HLTF: variants seen among roughly 807,000 people sequenced by gnomAD.
The protein encoded by HLTF is helicase like transcription factor, also known as DNA-dependent ATPase/E3 ubiquitin-protein ligase HLTF.
HLTF carries 127 observed loss-of-function variants against 129.4 expected under a neutral mutation model. That is an observed-to-expected ratio of 0.98 (90% CI 0.85 to 1.14). HLTF has a LOEUF of 1.14. HLTF is among the 50% of genes most tolerant of loss of function. The pLI is 0.00. For missense variants in HLTF, 1,139 were observed against 1,187.1 expected, an observed-to-expected ratio of 0.96 and a Z score of 0.60; for synonymous variants, 332 against 388.8, an observed-to-expected ratio of 0.85 and a Z score of 1.72.
At chr3:149,038,220 T>A (rs180812038) in intron 23 of HLTF, among the ~76,000 whole-genome samples, 2 of 152,338 alleles carry the variant, frequency 1.3e-5, no homozygotes, top group Admixed American at 1.3e-4. Flanking sequence ...AGAACCGTGA[T>A]GGTAATCATT....
At chr3:149,034,171 T>G (rs1331908532) in intron 24 of HLTF, among the ~76,000 whole-genome samples, 1 of 152,182 alleles carries the variant, frequency 6.6e-6, no homozygotes, top group African/African-American at 2.4e-5. Flanking sequence ...TTAACAATTT[T>G]CATATAAATC....
intron 2 of HLTF, among the ~76,000 whole-genome samples, chr3:149,079,759 A>AT (rs1477606487): frequency 3.3e-5 from 5 of 151,792 alleles, no homozygotes; most frequent in African/African-American, 1.2e-4. Context: ...TGCCCAGCTA[A>AT]TTTTTGTATT....
At chr3:149,071,997 G>A (rs1301222194) in intron 5 of HLTF, among the ~76,000 whole-genome samples, 1 of 152,126 alleles carries the variant, frequency 6.6e-6, no homozygotes, top group Admixed American at 6.5e-5. Flanking sequence ...AGGATAGAGT[G>A]AACCATGATT....
Position 149,041,949 on chromosome 3 carries a change from G to C in HLTF, c.2197+217C>G, listed in dbSNP as rs1198605218. 4 of 581,436 alleles carry C rather than the reference G, an allele frequency of 6.9e-6. No homozygotes were observed. The African/African-American group carries it at 7.5e-5, about 11-fold the overall frequency. The allele number at this position is 581,436 out of a possible 1,614,324, so 36.0% of individuals were successfully genotyped here. On this transcript the variant is annotated intron_variant, in intron 19 of 24. Coordinates refer to ENST00000310053, the MANE Select transcript of HLTF (RefSeq NM_003071.4). ...ATCCAATATGAATCTTTCATCAAAGGGTATCTATCACCGGAATTCCTGGAA... is the reference window on the plus strand; with the variant it reads ...ATCCAATATGAATCTTTCATCAAAGCGTATCTATCACCGGAATTCCTGGAA...
chr3:149,032,631 T>C (rs1715198306), intron 24 of HLTF, among the ~76,000 whole-genome samples: 2 of 151,986 alleles, frequency 1.3e-5, no homozygotes, highest in Non-Finnish European at 1.5e-5. Flanking sequence ...GCAAACTATA[T>C]AGGCAACTCT....
intron 9 of HLTF, among the ~76,000 whole-genome samples, chr3:149,064,452 G>A (rs1463511004): frequency 6.6e-6 from 1 of 152,092 alleles, no homozygotes; most frequent in African/African-American, 2.4e-5. Flanking sequence ...TGTTATCCAT[G>A]CATATTACAT....
Position 149,068,279 on chromosome 3 carries a change from A to G in HLTF, c.951T>C (p.Pro317=). ...VILTNFHDGR[P]LPIERVKKNL... is the part of the protein sequence containing the mutation. ...TCTTTTTAACTCTTTCAATAGGAAG[A>G]GGTCTGCCATCATGGAAGTTGGTAA... The change falls in exon 8 of 25, where the codon CCT becomes CCC. Residue 317 remains proline, a synonymous_variant. Coordinates refer to ENST00000310053, the MANE Select transcript of HLTF (RefSeq NM_003071.4). The G allele has an allele frequency of 6.4e-7, 1 of 1,571,444 alleles. No homozygotes were observed. Among genetic ancestry groups the G allele is most frequent in the Non-Finnish European group, 8.7e-7 (1 of 1,146,010 alleles).
At chr3:149,040,287 T>C in intron 20 of HLTF, 131 bp from the exon 21 acceptor site, 1 of 749,324 alleles carries the variant, frequency 1.3e-6, no homozygotes. Context: ...TTTTAATGGA[T>C]TTCATCCATT....
chr3:149,039,482 A>G, intron 22 of HLTF, 99 bp downstream of exon 22: 1 of 660,418 alleles, frequency 1.5e-6, no homozygotes, highest in Non-Finnish European at 2.5e-6. Context: ...TAAAATGACT[A>G]AAACTGGCAA....
intron 23 of HLTF, 39 bp from the exon 24 acceptor site, chr3:149,035,037 G>C: frequency 7.2e-7 from 1 of 1,380,996 alleles, no homozygotes; most frequent in Non-Finnish European, 1.0e-6. Context: ...CTACTGCCCT[G>C]ATCTTTCAGT....
Position 149,032,379 on chromosome 3 carries a change from A to C in HLTF, c.2878-7T>G. The C allele has an allele frequency of 6.9e-7, 1 of 1,450,898 alleles. No homozygotes were observed. The highest frequency in any genetic ancestry group is 9.2e-7 in the Non-Finnish European group (1 of 1,082,948). 89.9% of individuals were successfully genotyped at this position (1,450,898 alleles called of 1,614,324 possible). A position where few individuals can be genotyped will look rare whatever the true frequency, so the allele number is the denominator to read the frequency against. On this transcript the variant is annotated splice_region_variant and splice_polypyrimidine_tract_variant and intron_variant, in intron 24 of 24. Coordinates refer to ENST00000310053, the MANE Select transcript of HLTF (RefSeq NM_003071.4). ...CAGAGTCCTTTACAATGAACTTTAA[A>C]AAGAAAAAAAAAAGTTAAGTAGTTT...
chr3:149,084,789 C>G lies in HLTF; in HGVS notation c.121G>C (p.Asp41His). The part of the protein sequence containing the change: ...PTFFPRFEFQ[D>H]VIPPDDFLTS... ...AGAAAGTCATCTGGAGGGATAACAT[C>G]TTGGAATTCAAAACGTGGAAAGAAA... The change falls in exon 2 of 25, where the codon GAT becomes CAT. Residue 41 changes from aspartate to histidine, a missense_variant. Coordinates refer to ENST00000310053, the MANE Select transcript of HLTF (RefSeq NM_003071.4). The G allele has an allele frequency of 6.2e-7, 1 of 1,613,980 alleles. No homozygotes were observed. The highest frequency in any genetic ancestry group is 8.5e-7 in the Non-Finnish European group (1 of 1,179,894).
chr3:149,084,845 T>A lies in HLTF; in HGVS notation c.65A>T (p.His22Leu), dbSNP rs1720211892. 1.9e-6 allele frequency: 3 copies of A among 1,613,960 alleles called. No individual in the cohort carries two copies. The highest frequency in any genetic ancestry group is 2.5e-6 in the Non-Finnish European group (3 of 1,179,972). The change falls in exon 2 of 25, where the codon CAT becomes CTT. Residue 22 changes from histidine to leucine, a missense_variant. His to Leu is a moderately conservative substitution (Grantham distance 99, BLOSUM62 -3). Transcript: ENST00000310053. ...KYLQTVQYGV[H>L]GNFPRLSYPT... ...ATATGAGAGGCGTGGAAAATTTCCA[T>A]GAACTCCATACTGGACAGTCTGCAA...
intron 24 of HLTF, 136 bp downstream of exon 24, chr3:149,034,782 G>C: frequency 1.6e-6 from 1 of 630,026 alleles, no homozygotes; most frequent in South Asian, 1.9e-5. Context: ...TTAAATTATT[G>C]ATGAAGGAGG....
At chr3:149,066,947 G>T (rs1243430979) in intron 8 of HLTF, among the ~76,000 whole-genome samples, 3 of 152,058 alleles carry the variant, frequency 2.0e-5, no homozygotes, top group African/African-American at 7.2e-5. Context: ...ACAGGAAACT[G>T]ATGTACTGCC....
At chr3:149,068,139 T>C (rs1718559509) in intron 8 of HLTF, 101 bp downstream of exon 8, 3 of 594,040 alleles carry the variant, frequency 5.1e-6, no homozygotes, top group Non-Finnish European at 9.1e-6. Context: ...TCATCGCATT[T>C]CTGAAAACAC....
chr3:149,074,089 T>C, intron 4 of HLTF, 126 bp downstream of exon 4: 2 of 850,552 alleles, frequency 2.4e-6, no homozygotes, highest in Non-Finnish European at 3.4e-6. Context: ...AAAAGACTCC[T>C]GAAAAAAAGT....
chr3:149,041,563 G>T lies in HLTF; in HGVS notation c.2303C>A (p.Thr768Lys). 6.2e-7 allele frequency: 1 copy of T among 1,612,952 alleles called. No individual in the cohort carries two copies. The highest frequency in any genetic ancestry group is 1.1e-5 in the South Asian group (1 of 91,044). ...EECAICLDSL[T>K]VPVITHCAHV... is the part of the protein sequence containing the mutation. ...TGCACAATGTGTTATCACAGGAACT[G>T]TTAAAGAATCCAGGCAAATTGCACA... The change falls in exon 20 of 25, where the codon ACA (threonine) becomes AAA (lysine). Residue 768 changes from threonine to lysine, a missense_variant. Transcript: ENST00000310053.
chr3:149,055,559 T>A (rs1717362145), intron 13 of HLTF, among the ~76,000 whole-genome samples, 159 bp from the exon 14 acceptor site: 1 of 152,160 alleles, frequency 6.6e-6, no homozygotes, highest in Non-Finnish European at 1.5e-5. Flanking sequence ...ACCTCATCAC[T>A]TAAAAAAACT....
Sources: gnomAD v4.1 joint callset for allele counts (sites outside exome capture counted in the v4.1 genomes callset) on GRCh38, gnomAD v4.1.1 for gene constraint, MANE v1.5 for transcripts, NCBI Gene and HGNC (gene_info 2026-07-23, HGNC 2026-07-21) for gene names.